C2CD3: variants seen among roughly 807,000 people sequenced by gnomAD.
The protein encoded by C2CD3 is C2 domain-containing protein 3.
A neutral mutation model predicts 234.0 loss-of-function variants in C2CD3; 148 were observed. The observed-to-expected ratio is 0.63, with a 90% confidence interval of 0.55 to 0.72. The LOEUF is 0.72. Among genes scored for constraint, C2CD3 ranks in the 30% least tolerant of loss-of-function variants. The probability of loss-of-function intolerance (pLI) is 0.00; values close to 1 mark genes in which losing one functional copy is unlikely to be tolerated. For missense variants in C2CD3, 2,577 were observed against 2,811.5 expected (o/e 0.92, Z 1.89); for synonymous variants, 1,000 against 1,035.4 (o/e 0.97, Z 0.66).
chr11:74,083,356 C>T (rs1464225833), intron 22 of C2CD3, among the ~76,000 whole-genome samples: 2 of 152,172 alleles, frequency 1.3e-5, no homozygotes, highest in Non-Finnish European at 2.9e-5. Context: ...AAAACATAGG[C>T]AATACCATTC....
At chr11:74,130,590 A>G (rs975372474) in intron 7 of C2CD3, among the ~76,000 whole-genome samples, 2 of 152,102 alleles carry the variant, frequency 1.3e-5, no homozygotes, top group African/African-American at 4.8e-5. Context: ...TTTGTTGAAA[A>G]TACTATTTGT....
chr11:74,145,359 C>G (rs147046293), intron 3 of C2CD3, among the ~76,000 whole-genome samples: 1 of 152,190 alleles, frequency 6.6e-6, no homozygotes, highest in African/African-American at 2.4e-5. Flanking sequence ...GCATGTATGT[C>G]TTCTTTTGAA....
intron 12 of C2CD3, among the ~76,000 whole-genome samples, chr11:74,108,686 G>A (rs1956626267): frequency 6.6e-6 from 1 of 152,092 alleles, no homozygotes; most frequent in Non-Finnish European, 1.5e-5. Flanking sequence ...ATTTGGGATG[G>A]TGTCCTGGCT....
At chr11:74,164,088 A>G (rs907777541) in intron 2 of C2CD3, 33 of 622,610 alleles carry the variant, frequency 5.3e-5, no homozygotes, top group South Asian at 7.3e-5. Context: ...ACACTTAATT[A>G]TAAGTCCACT....
Position 74,135,193 on chromosome 11 carries a change from C to T in C2CD3, c.956-1636G>A, listed in dbSNP as rs1366145435. Among the ~76,000 whole-genome samples the T allele has an allele frequency of 2.0e-5, 3 of 152,268 alleles. No homozygotes were observed. In the East Asian group the frequency reaches 5.8e-4, roughly 29 times the overall value. ...CAAGATCCCCATTGCCTCATATACTCATACTTCGTCCTAGTGATTCAAACA... is the reference window on the plus strand; with the variant it reads ...CAAGATCCCCATTGCCTCATATACTTATACTTCGTCCTAGTGATTCAAACA... On this transcript the variant is annotated intron_variant, in intron 5 of 32. Coordinates refer to ENST00000334126, the MANE Select transcript of C2CD3 (RefSeq NM_001286577.2).
intron 32 of C2CD3, among the ~76,000 whole-genome samples, chr11:74,021,603 A>G (rs779334837): frequency 4.6e-5 from 7 of 152,200 alleles, no homozygotes; most frequent in Non-Finnish European, 8.8e-5. Flanking sequence ...ATAAGTGAAG[A>G]AAGTGTTCAA....
At chr11:74,044,359 G>A (rs1405316710) in intron 28 of C2CD3, among the ~76,000 whole-genome samples, 1 of 151,838 alleles carries the variant, frequency 6.6e-6, no homozygotes, top group Non-Finnish European at 1.5e-5. Flanking sequence ...GGAGGCTGAG[G>A]CAGGAGAATC....
At chr11:74,043,383 A>G (rs944945237) in intron 28 of C2CD3, among the ~76,000 whole-genome samples, 3 of 152,220 alleles carry the variant, frequency 2.0e-5, no homozygotes, top group Admixed American at 2.0e-4. Context: ...TTGTTTATCT[A>G]CTCAGTTGAC....
chr11:74,122,965 A>G, intron 8 of C2CD3, 23 bp downstream of exon 8: 2 of 1,598,582 alleles, frequency 1.3e-6, no homozygotes, highest in Non-Finnish European at 8.6e-7. Flanking sequence ...CTAATTCTCA[A>G]TGCTTCAGGT....
intron 7 of C2CD3, among the ~76,000 whole-genome samples, chr11:74,131,853 T>C (rs1364443161): frequency 6.6e-6 from 1 of 152,162 alleles, no homozygotes; most frequent in Non-Finnish European, 1.5e-5. Flanking sequence ...ATTATAGGCG[T>C]GAGCTTTTGG....
chr11:74,156,522 T>TA (rs1856036668), intron 3 of C2CD3, among the ~76,000 whole-genome samples: 2 of 149,928 alleles, frequency 1.3e-5, no homozygotes, highest in Admixed American at 6.6e-5. Context: ...CTTGATTTTT[T>TA]AAAAAAACTA....
intron 7 of C2CD3, chr11:74,129,935 G>C (rs1393510700): frequency 4.7e-5 from 7 of 148,004 alleles, no homozygotes; most frequent in African/African-American, 1.0e-4. Flanking sequence ...CCAGTCAGGC[G>C]TGGCGGCGCG....
intron 5 of C2CD3, among the ~76,000 whole-genome samples, chr11:74,135,072 T>G (rs1031722669): frequency 2.6e-5 from 4 of 152,052 alleles, no homozygotes; most frequent in Non-Finnish European, 5.9e-5. Context: ...TCCAAAATCT[T>G]AAATATCATA....
chr11:74,084,825 G>A, intron 22 of C2CD3, 56 bp downstream of exon 22: 1 of 1,015,772 alleles, frequency 9.8e-7, no homozygotes, highest in Admixed American at 1.7e-5. Context: ...ATTACCTCTT[G>A]TAGGGAAGTG....
chr11:74,110,098 T>TAAATAAATA (rs1555044850), intron 11 of C2CD3, among the ~76,000 whole-genome samples: 14 of 150,944 alleles, frequency 9.3e-5, no homozygotes, highest in African/African-American at 2.7e-4. Context: ...AATAAATAAA[T>TAAATAAATA]AAATAAAATA....
chr11:74,124,518 C>T (rs1329486070), intron 7 of C2CD3, among the ~76,000 whole-genome samples: 1 of 152,108 alleles, frequency 6.6e-6, no homozygotes, highest in Non-Finnish European at 1.5e-5. Context: ...CCAGTTGTGA[C>T]AACCGAGAAA....
rs868794706 is a variant in C2CD3, at chr11:74,077,803, A to G, written c.4603+312T>C. Among the ~76,000 whole-genome samples, 26 of 15,784 alleles carry G rather than the reference A, an allele frequency of 1.6e-3. 1 individual carries two copies. Among genetic ancestry groups the G allele is most frequent in the African/African-American group, 4.9e-3 (17 of 3,438 alleles). 10.4% of individuals were successfully genotyped at this position (15,784 alleles called of 152,430 possible). On this transcript the variant is annotated intron_variant, in intron 23 of 32. Coordinates refer to ENST00000334126, the MANE Select transcript of C2CD3 (RefSeq NM_001286577.2). ...TATATATATATATATATATATATATATATATATATATATATATATATATAT... is the reference window on the plus strand; with the variant it reads ...TATATATATATATATATATATATATGTATATATATATATATATATATATAT...
chr11:74,097,866 GATTTATAGGAAGCACT>G, intron 16 of C2CD3, 127 bp downstream of exon 16: 3 of 724,180 alleles, frequency 4.1e-6, no homozygotes, highest in Non-Finnish European at 6.7e-6. Context: ...TGATTCCTTT[GATTTATAGGAAGCACT>G]GGAGTGCACA....
chr11:74,086,307 AG>A (rs1193887709), intron 20 of C2CD3, among the ~76,000 whole-genome samples: 1 of 152,238 alleles, frequency 6.6e-6, no homozygotes, highest in Non-Finnish European at 1.5e-5. Flanking sequence ...GACTTGAGTG[AG>A]GGCTTAAAGG....
Sources: gnomAD v4.1 joint callset for allele counts (sites outside exome capture counted in the v4.1 genomes callset) on GRCh38, gnomAD v4.1.1 for gene constraint, MANE v1.5 for transcripts, NCBI Gene and HGNC (gene_info 2026-07-23, HGNC 2026-07-21) for gene names.